Variants in TNN observed in about 807,000 individuals in gnomAD.
The protein encoded by TNN is tenascin N, also known as tenascin-N.
TNN carries 122 observed loss-of-function variants against 134.4 expected under a neutral mutation model. The observed-to-expected ratio is 0.91, with a 90% CI of 0.78 to 1.06. The LOEUF (loss-of-function observed/expected upper bound fraction) is 1.06, where lower values mean the gene tolerates loss of function less well. Ranked by LOEUF, TNN falls within the 50% of genes least tolerant of loss-of-function variation. The pLI, the probability that TNN is intolerant of heterozygous loss-of-function variation, is 0.00. For synonymous variants in TNN, 710 were observed against 670.3 expected (o/e 1.06, Z -0.91); for missense variants, 1,739 against 1,699.4 (o/e 1.02, Z -0.41).
At chr1:175,100,026 T>A (rs555973897) in intron 9 of TNN, among the ~76,000 whole-genome samples, 1 of 152,262 alleles carries the variant, frequency 6.6e-6, no homozygotes, top group East Asian at 1.9e-4. Context: ...CCTGCATGCA[T>A]CCTTTGTCCA....
intron 3 of TNN, among the ~76,000 whole-genome samples, 194 bp downstream of exon 3, chr1:175,079,901 T>G (rs1201646020): frequency 1.3e-5 from 2 of 152,180 alleles, no homozygotes. Flanking sequence ...CAGGTGATGC[T>G]GATGCTGCTG....
chr1:175,143,136 C>A (rs1004344962), intron 17 of TNN, among the ~76,000 whole-genome samples: 8 of 152,180 alleles, frequency 5.3e-5, no homozygotes, highest in Admixed American at 3.9e-4. Flanking sequence ...GACGGTGGGA[C>A]CTTAAGAAGT....
chr1:175,111,486 C>CAAAAAAA (rs59538028), intron 9 of TNN, among the ~76,000 whole-genome samples: 2 of 62,512 alleles, frequency 3.2e-5, no homozygotes, highest in African/African-American at 5.8e-5. Context: ...GACTCTGTCT[C>CAAAAAAA]AAAAAAAAAA....
intron 7 of TNN, among the ~76,000 whole-genome samples, chr1:175,096,948 C>T (rs944153670): frequency 6.6e-6 from 1 of 152,148 alleles, no homozygotes; most frequent in Non-Finnish European, 1.5e-5. Context: ...TCTCCTGGTT[C>T]CCTGGCCACA....
intron 1 of TNN, among the ~76,000 whole-genome samples, chr1:175,068,768 C>T (rs895154119): frequency 1.8e-4 from 28 of 152,152 alleles, no homozygotes; most frequent in East Asian, 1.9e-4. Flanking sequence ...ATTAGCCGGG[C>T]GTGGTGGCGC....
Position 175,098,332 on chromosome 1 carries a change from A to T in TNN, c.1856A>T (p.Asp619Val), listed in dbSNP as rs970637476. The T allele has an allele frequency of 6.2e-7, 1 of 1,614,170 alleles. No homozygotes were observed. Among genetic ancestry groups the T allele is most frequent in the Non-Finnish European group, 8.5e-7 (1 of 1,180,026 alleles). The change falls in exon 9 of 19, where the codon GAT becomes GTT. Residue 619 changes from aspartate (D) to valine (V), a missense_variant and splice_region_variant. By Grantham distance (152) the Asp-to-Val change is radical. Coordinates refer to ENST00000239462, the MANE Select transcript of TNN (RefSeq NM_022093.2). ...SKKADTNAPT[D>V]IDSPKNLVTD... is the part of the protein sequence containing the mutation. ...ACCTTTCCAAACATTTTCCTTCCAGATATTGACAGCCCCAAAAACCTGGTG... is the reference window on the plus strand; with the variant it reads ...ACCTTTCCAAACATTTTCCTTCCAGTTATTGACAGCCCCAAAAACCTGGTG...
chr1:175,098,430 G>T lies in TNN; in HGVS notation c.1954G>T (p.Val652Leu), dbSNP rs1158149348. The T allele has an allele frequency of 6.2e-7, 1 of 1,614,072 alleles. No individual in the cohort carries two copies. The highest frequency in any genetic ancestry group is 1.3e-5 in the African/African-American group (1 of 74,916). Residue 652 changes from valine (V) to leucine (L), a missense_variant, in exon 9 of 19, where the codon GTG (valine) becomes TTG (leucine). Transcript: ENST00000239462. ...PVQAAIDKYV[V>L]RYTSAGGETR... The stretch of plus-strand genomic sequence containing the variant: ...GCAGGCCGCCATTGACAAGTACGTG[G>T]TGCGCTACACCTCTGCTGGTGGAGA...
intron 9 of TNN, among the ~76,000 whole-genome samples, chr1:175,107,800 C>T (rs1674897431): frequency 7.2e-6 from 1 of 139,428 alleles, no homozygotes; most frequent in African/African-American, 2.8e-5. Flanking sequence ...TCCACGTCCC[C>T]ATCAGATTAG....
At chr1:175,125,841 CTTTT>C (rs1675514339) in intron 12 of TNN, among the ~76,000 whole-genome samples, 1 of 2,744 alleles carries the variant, frequency 3.6e-4, no homozygotes, top group Non-Finnish European at 7.9e-4. Context: ...TTTCTTTTTT[CTTTT>C]TCTTTCTTTC....
chr1:175,090,852 T>C (rs4620493), intron 6 of TNN, among the ~76,000 whole-genome samples: 42,786 of 151,900 alleles, frequency 0.28, 6,098 homozygotes, highest in South Asian at 0.33. Flanking sequence ...TTACATCTCA[T>C]TGACCTTGAA....
intron 9 of TNN, among the ~76,000 whole-genome samples, chr1:175,111,683 T>A (rs1328131508): frequency 6.6e-6 from 1 of 152,146 alleles, no homozygotes; most frequent in South Asian, 2.1e-4. Context: ...CAGTGTTTTA[T>A]GGTTTTTCCT....
chr1:175,145,006 G>C (rs1676029134), intron 18 of TNN, among the ~76,000 whole-genome samples: 1 of 152,120 alleles, frequency 6.6e-6, no homozygotes, highest in East Asian at 1.9e-4. Flanking sequence ...TTGCTGGCTT[G>C]TGGCTGTGCG....
intron 4 of TNN, among the ~76,000 whole-genome samples, chr1:175,081,346 A>G (rs1266524971): frequency 1.3e-5 from 2 of 152,240 alleles, no homozygotes; most frequent in African/African-American, 4.8e-5. Context: ...GGAGAAACGT[A>G]GTTGGTTGAA....
chr1:175,072,972 A>G (rs931395674), intron 1 of TNN, among the ~76,000 whole-genome samples: 3 of 95,992 alleles, frequency 3.1e-5, no homozygotes, highest in Admixed American at 1.6e-4. Context: ...GAACTTCTTC[A>G]GAAAACCATC....
intron 2 of TNN, among the ~76,000 whole-genome samples, chr1:175,078,975 C>T (rs1674121434): frequency 1.3e-5 from 2 of 152,068 alleles, no homozygotes; most frequent in African/African-American, 2.4e-5. Flanking sequence ...ATTTAAGGCC[C>T]CTCCATAGGA....
chr1:175,106,254 G>A (rs1674849203), intron 9 of TNN, among the ~76,000 whole-genome samples: 2 of 145,860 alleles, frequency 1.4e-5, no homozygotes, highest in African/African-American at 4.9e-5. Flanking sequence ...GAAATGGAGG[G>A]CCATACCCTG....
chr1:175,133,555 C>G (rs2101848741), intron 15 of TNN, among the ~76,000 whole-genome samples: 1 of 152,302 alleles, frequency 6.6e-6, no homozygotes, highest in East Asian at 1.9e-4. Context: ...GTTTCTTTTT[C>G]TCCACTTCTG....
chr1:175,146,856 C>T (rs577472198), intron 18 of TNN, 75 bp from the exon 19 acceptor site: 4 of 1,339,490 alleles, frequency 3.0e-6, no homozygotes, highest in South Asian at 3.4e-5. Context: ...TTAATTAATT[C>T]CTTTGTACCA....
At chr1:175,121,585 G>A (rs772930656) in intron 11 of TNN, among the ~76,000 whole-genome samples, 18 of 152,340 alleles carry the variant, frequency 1.2e-4, no homozygotes, top group South Asian at 2.1e-4. Context: ...TAGAAGTTGG[G>A]AGGTTCGTAG....
Sources: allele counts gnomAD v4.1 joint callset (sites outside exome capture counted in the v4.1 genomes callset), GRCh38; gene constraint gnomAD v4.1.1; transcripts MANE v1.5; gene names NCBI Gene and HGNC (gene_info 2026-07-23, HGNC 2026-07-21).